Variants in UCN3 observed in about 807,000 individuals in gnomAD.
UCN3 encodes urocortin 3, also known as urocortin-3.
In UCN3, 3 loss-of-function variants were observed where a neutral mutation model predicts 3.6. The observed-to-expected ratio is 0.83, with a 90% CI of 0.38 to 2.15. The LOEUF is 2.15. UCN3 is among the 30% of genes most tolerant of loss of function. UCN3 has a pLI of 0.06. For synonymous variants in UCN3, 100 were observed against 93.2 expected (o/e 1.07, Z -0.42); for missense variants, 206 against 208.3 (o/e 0.99, Z 0.07).
At chr10:5,371,279 G>A (rs1414523103) in intron 1 of UCN3, among the ~76,000 whole-genome samples, 3 of 150,952 alleles carry the variant, frequency 2.0e-5, no homozygotes, top group South Asian at 2.1e-4. Context: ...GTATGTGCAT[G>A]TATATATGTG....
At chr10:5,370,945 A>ATGTGTGTAAGGTGTGTG (rs1388225421) in intron 1 of UCN3, among the ~76,000 whole-genome samples, 1 of 96,770 alleles carries the variant, frequency 1.0e-5, no homozygotes, top group Non-Finnish European at 2.1e-5. Context: ...GTTCATGTGT[A>ATGTGTGTAAGGTGTGTG]TGTGTGTAAG....
chr10:5,368,192 C>T (rs536986414), intron 1 of UCN3, among the ~76,000 whole-genome samples: 1 of 152,050 alleles, frequency 6.6e-6, no homozygotes, highest in South Asian at 2.1e-4. Flanking sequence ...TTAGTAGAGA[C>T]AGGGTTTCAC....
chr10:5,370,781 G>A (rs1451411844), intron 1 of UCN3, among the ~76,000 whole-genome samples: 1 of 115,132 alleles, frequency 8.7e-6, no homozygotes. Flanking sequence ...GTATATGCGT[G>A]TGTGTGTGTA....
rs1464720481 is a variant in UCN3 at position 5,366,978 on chromosome 10, C to T, written c.-7+1748C>T. Among the ~76,000 whole-genome samples the T allele has an allele frequency of 6.6e-6, 1 of 152,164 alleles. No individual in the cohort carries two copies. The highest frequency in any genetic ancestry group is 1.5e-5 in the Non-Finnish European group (1 of 68,024). On this transcript the variant is annotated intron_variant, in intron 1 of 1. Transcript: ENST00000380433. The surrounding 1 kb of genome is among the most constrained non-coding windows in gnomAD (Gnocchi z 4.2). ...CCCTAGCCGTGATTACAGTATTCTT[C>T]TCTGATGGTAGACTTGGGATTTGAA...
chr10:5,371,411 T>G (rs894235064), intron 1 of UCN3, among the ~76,000 whole-genome samples: 8 of 151,906 alleles, frequency 5.3e-5, no homozygotes, highest in African/African-American at 1.9e-4. Flanking sequence ...CCTGTTTGTA[T>G]GTGTGCTTGT....
At chr10:5,372,638 C>T (rs976666561) in intron 1 of UCN3, among the ~76,000 whole-genome samples, 7 of 152,090 alleles carry the variant, frequency 4.6e-5, no homozygotes, top group African/African-American at 1.7e-4. Context: ...TAGCCTCGAC[C>T]TCTGGAGCTC....
Position 5,373,833 on chromosome 10 carries a change from C to G in UCN3, c.113C>G (p.Thr38Ser). 1 of 1,614,134 alleles carries G rather than the reference C, an allele frequency of 6.2e-7. No homozygotes were observed. The highest frequency in any genetic ancestry group is 1.6e-4 in the Middle Eastern group (1 of 6,062). Residue 38 changes from threonine (T) to serine (S), a missense_variant, in exon 2 of 2, where the codon ACC becomes AGC. By Grantham distance (58) the Thr-to-Ser change is moderately conservative (BLOSUM62 1). Coordinates refer to ENST00000380433, the MANE Select transcript of UCN3 (RefSeq NM_053049.4). ...KAKPIFSCLN[T>S]ALSEAEKGQW... ...AAGCCCATCTTCAGCTGCCTCAACA[C>G]CGCCCTGTCTGAGGCTGAGAAGGGC...
intron 1 of UCN3, among the ~76,000 whole-genome samples, chr10:5,370,362 T>TATG (rs1831358361): frequency 1.4e-5 from 1 of 72,466 alleles, no homozygotes; most frequent in African/African-American, 8.8e-5. Flanking sequence ...TGTGTGTGTA[T>TATG]ATGCGTGTGT....
chr10:5,374,046 A>T lies in UCN3; in HGVS notation c.326A>T (p.Gln109Leu). The change falls in exon 2 of 2, where the codon CAG becomes CTG. Residue 109 changes from glutamine (Q) to leucine (L), a missense_variant. Transcript: ENST00000380433. ...GCACAGCCCAGGGGAAAGCCACGCC[A>T]GGACACGGCCAAGAGTCCCCACCGC... ...SQAQPRGKPR[Q>L]DTAKSPHRTK... 1 of 1,613,098 alleles carries T rather than the reference A, an allele frequency of 6.2e-7. No homozygotes were observed. Among genetic ancestry groups the T allele is most frequent in the Non-Finnish European group, 8.5e-7 (1 of 1,179,556 alleles).
Position 5,370,412 on chromosome 10 carries a change from TGTGTGTGTATATGC to T in UCN3, c.-6-3296_-6-3283del, listed in dbSNP as rs1384239413. ...GCGTGTGTATATGTGTGTGTATATG[TGTGTGTGTATATGC>T]GTGTGTATATGCGTGTGTATGTGTG... On this transcript the variant is annotated intron_variant, in intron 1 of 1. Transcript: ENST00000380433. Among the ~76,000 whole-genome samples the T allele has an allele frequency of 1.6e-3, 83 of 51,606 alleles. 16 individuals are homozygous for T. In the Admixed American group the frequency reaches 0.017, roughly 11 times the overall value. The allele number at this position is 51,606 out of a possible 152,430, so 33.9% of individuals were successfully genotyped here. A position where few individuals can be genotyped will look rare whatever the true frequency, so the allele number is the denominator to read the frequency against.
chr10:5,372,548 G>GT (rs1431479803), intron 1 of UCN3, among the ~76,000 whole-genome samples: 1 of 152,158 alleles, frequency 6.6e-6, no homozygotes, highest in Middle Eastern at 3.4e-3. Context: ...AATGCTTAGG[G>GT]TTTTTTTCTT....
In UCN3 at chr10:5,370,421, A is replaced by G. The variant is rs1195097953; in HGVS notation, c.-6-3294A>G. On this transcript the variant is annotated intron_variant, in intron 1 of 1. Transcript: ENST00000380433. ...TATGTGTGTGTATATGTGTGTGTGT[A>G]TATGCGTGTGTATATGCGTGTGTAT... Among the ~76,000 whole-genome samples the G allele has an allele frequency of 3.3e-4, 18 of 54,770 alleles. 2 individuals are homozygous for G. Among genetic ancestry groups the G allele is most frequent in the African/African-American group, 6.0e-4 (9 of 15,118 alleles). The allele number at this position is 54,770 out of a possible 152,430, so 35.9% of individuals were successfully genotyped here.
At chr10:5,369,447 G>A (rs1831302466) in intron 1 of UCN3, among the ~76,000 whole-genome samples, 1 of 152,182 alleles carries the variant, frequency 6.6e-6, no homozygotes, top group Admixed American at 6.5e-5. Flanking sequence ...CCTTCATGAG[G>A]TGGTTATTGC....
chr10:5,370,559 G>GTGTGTATATGCGTGTATA (rs1831375518), intron 1 of UCN3, among the ~76,000 whole-genome samples: 1 of 112,378 alleles, frequency 8.9e-6, no homozygotes, highest in Admixed American at 1.1e-4. Context: ...GTGTGTATAT[G>GTGTGTATATGCGTGTATA]TGTGTGTATA....
In UCN3 at chr10:5,373,861, G is replaced by A; in HGVS notation, c.141G>A (p.Gln47=). 5 of 1,614,138 alleles carry A rather than the reference G, an allele frequency of 3.1e-6. No individual in the cohort carries two copies. Among genetic ancestry groups the A allele is most frequent in the Non-Finnish European group, 4.2e-6 (5 of 1,180,000 alleles). ...NTALSEAEKG[Q]WEDASLLSKR... Reference sequence around the variant, plus strand: ...CCCTGTCTGAGGCTGAGAAGGGCCAGTGGGAGGATGCATCCCTGCTGAGCA... The same window carrying A: ...CCCTGTCTGAGGCTGAGAAGGGCCAATGGGAGGATGCATCCCTGCTGAGCA... The change falls in exon 2 of 2, where the codon CAG becomes CAA. Residue 47 remains glutamine, a synonymous_variant. Transcript: ENST00000380433.
chr10:5,374,240 G>T lies in UCN3; in HGVS notation c.*34G>T, dbSNP rs1195693129. 3.6e-6 allele frequency: 2 copies of T among 561,288 alleles called. No individual in the cohort carries two copies. The highest frequency in any genetic ancestry group is 6.2e-6 in the Non-Finnish European group (2 of 321,626). The allele number at this position is 561,288 out of a possible 1,614,324, so 34.8% of individuals were successfully genotyped here. On this transcript the variant is annotated 3_prime_UTR_variant, in exon 2 of 2. Coordinates refer to ENST00000380433, the MANE Select transcript of UCN3 (RefSeq NM_053049.4). ...GCTGGACGGGAGGGCAGCGGGGTGG[G>T]GAGGGGGAGGGGAGGGGGAGGGGAG... is the stretch of plus-strand genomic sequence containing the variant.
At position 5,374,457 on chromosome 10, in the gene UCN3, C is replaced by T. The variant is rs1332676603; in HGVS notation, c.*251C>T. On this transcript the variant is annotated 3_prime_UTR_variant, in exon 2 of 2. Coordinates refer to ENST00000380433, the MANE Select transcript of UCN3 (RefSeq NM_053049.4). ...ACCTTCCCAGACACAAAGCAGCTAA[C>T]GTTCCTCCCTGTACTCAGCGTCTCC... 21 of 489,036 alleles carry T rather than the reference C, an allele frequency of 4.3e-5. No homozygotes were observed. Among genetic ancestry groups the T allele is most frequent in the Admixed American group, 2.0e-4 (6 of 30,204 alleles). 30.3% of individuals were successfully genotyped at this position (489,036 alleles called of 1,614,324 possible).
At chr10:5,372,788 C>G (rs1431542629) in intron 1 of UCN3, among the ~76,000 whole-genome samples, 1 of 146,826 alleles carries the variant, frequency 6.8e-6, no homozygotes, top group Non-Finnish European at 1.5e-5. Flanking sequence ...CTCCTGGGTT[C>G]AAACAATCCT....
rs781842004 is a variant in UCN3, at chr10:5,370,223, G to GTGTGTGTGTATATGCGTGTGTGTA, written c.-6-3490_-6-3489insTGTGTGTATATGCGTGTGTGTATG. On this transcript the variant is annotated intron_variant, in intron 1 of 1. Transcript: ENST00000380433. ...TATATGCGTGTGTATGTGTGTGTAT[G>GTGTGTGTGTATATGCGTGTGTGTA]TGCGTGTGTGTATGCGTGTGTGTAT... is the stretch of plus-strand genomic sequence containing the variant. Among the ~76,000 whole-genome samples the GTGTGTGTGTATATGCGTGTGTGTA allele has an allele frequency of 3.0e-3, 41 of 13,772 alleles. 10 individuals carry two copies. Among genetic ancestry groups the GTGTGTGTGTATATGCGTGTGTGTA allele is most frequent in the East Asian group, 4.8e-3 (2 of 420 alleles). 9.0% of individuals were successfully genotyped at this position (13,772 alleles called of 152,430 possible).
Sources: allele counts gnomAD v4.1 joint callset (sites outside exome capture counted in the v4.1 genomes callset), GRCh38; gene constraint gnomAD v4.1.1; non-coding constraint Gnocchi (gnomAD v3.1); transcripts MANE v1.5; gene names NCBI Gene and HGNC (gene_info 2026-07-23, HGNC 2026-07-21).